WDR81: variants seen among roughly 807,000 people sequenced by gnomAD.
WDR81 encodes WD repeat domain 81, also known as WD repeat-containing protein 81.
In WDR81, 92 loss-of-function variants were observed where a neutral mutation model predicts 140.8. The ratio of observed to expected loss-of-function variants is 0.65; its 90% CI spans 0.55 to 0.78. The LOEUF is 0.78. Ranked by LOEUF, WDR81 falls within the 30% of genes least tolerant of loss-of-function variation. The probability of loss-of-function intolerance (pLI) is 0.00; values close to 1 mark genes in which losing one functional copy is unlikely to be tolerated. For missense variants in WDR81, 2,502 were observed against 2,636.4 expected (o/e 0.95, Z 1.12); for synonymous variants, 1,183 against 1,156.4 (o/e 1.02, Z -0.47).
In WDR81 at chr17:1,732,685, C is replaced by T. The variant is rs781371553; in HGVS notation, c.4343C>T (p.Ala1448Val). ...TCATAGGATCTGAAGCTGGACCCTG[C>T]GGGCCGTGGTGAGGGCCAGCTGCCA... ...LRQQDLKLDP[A>V]GRGEGQLPQV... Residue 1448 changes from alanine to valine, a missense_variant, in exon 6 of 10, where the codon GCG becomes GTG. This residue lies in a region of WDR81 where 1,737 missense variants were observed against 1,843.0 expected (regional missense o/e 0.94). Coordinates refer to ENST00000409644, the MANE Select transcript of WDR81 (RefSeq NM_001163809.2). 9 of 1,607,638 alleles carry T rather than the reference C, an allele frequency of 5.6e-6. No homozygotes were observed. Among genetic ancestry groups the T allele is most frequent in the South Asian group, 4.4e-5 (4 of 90,382 alleles).
At chr17:1,731,846 G>T (rs936920810) in intron 4 of WDR81, among the ~76,000 whole-genome samples, 2 of 151,862 alleles carry the variant, frequency 1.3e-5, no homozygotes, top group Admixed American at 1.3e-4. Context: ...AGAATTGCTT[G>T]AACCCAGGAA....
Position 1,732,777 on chromosome 17 carries a change from G to A in WDR81, c.4435G>A (p.Val1479Met). The A allele has an allele frequency of 3.1e-6, 5 of 1,613,176 alleles. No homozygotes were observed. The highest frequency in any genetic ancestry group is 4.2e-6 in the Non-Finnish European group (5 of 1,179,976). ...CGCCCTGCTGGACGAGCTGCAGAAG[G>A]TGTTCACCCTGGAGATGGCATACAC... ...DPALLDELQKVFTLEMAYTIY... is the reference protein window; with the variant it reads ...DPALLDELQKMFTLEMAYTIY... The change falls in exon 6 of 10, where the codon GTG (valine) becomes ATG (methionine). Residue 1479 changes from valine to methionine, a missense_variant. Val to Met is a conservative substitution (Grantham distance 21). Around this residue, in one of 3 missense-constraint regions of WDR81, gnomAD observed 1,737 missense variants for 1,843.0 expected, o/e 0.94. Coordinates refer to ENST00000409644, the MANE Select transcript of WDR81 (RefSeq NM_001163809.2).
intron 1 of WDR81, 48 bp from the exon 2 acceptor site, chr17:1,730,332 A>AT: frequency 1.3e-6 from 2 of 1,485,176 alleles, no homozygotes; most frequent in Non-Finnish European, 1.8e-6. Context: ...GGGAGGGGTG[A>AT]TGAGCCCCTG....
chr17:1,727,110 G>A lies in WDR81; in HGVS notation c.2151G>A (p.Gly717=). The A allele has an allele frequency of 6.5e-7, 1 of 1,547,390 alleles. No homozygotes were observed. Among genetic ancestry groups the A allele is most frequent in the Non-Finnish European group, 8.7e-7 (1 of 1,144,812 alleles). ...CAGACCCTGGGGAGGGTGAGGAGGGGAGGATTCTTCTTCCCGAGGGCTTCA... is the reference window on the plus strand; with the variant it reads ...CAGACCCTGGGGAGGGTGAGGAGGGAAGGATTCTTCTTCCCGAGGGCTTCA... ...AGADPGEGEE[G]RILLPEGFNP... The change falls in exon 1 of 10, where the codon GGG becomes GGA. Residue 717 remains glycine (G), a synonymous_variant. Coordinates refer to ENST00000409644, the MANE Select transcript of WDR81 (RefSeq NM_001163809.2).
In WDR81 at chr17:1,725,309, ACCCTCTGGGCGGGGGCCTG is replaced by A; in HGVS notation, c.355_373del (p.Gly120ArgfsTer128). ...GGGCTGCGGAAGCGGAGACTGTCCT[ACCCTCTGGGCGGGGGCCTG>A]CCCTTTGAGGACGGGTCCTGCGGCC... On this transcript the variant is annotated frameshift_variant, in exon 1 of 10. Transcript: ENST00000409644. LOFTEE classifies it high-confidence loss of function. 6.5e-7 allele frequency: 1 copy of A among 1,548,316 alleles called. No individual in the cohort carries two copies. The highest frequency in any genetic ancestry group is 8.7e-7 in the Non-Finnish European group (1 of 1,146,954).
intron 1 of WDR81, among the ~76,000 whole-genome samples, chr17:1,729,846 C>A (rs886814360): frequency 3.0e-4 from 45 of 151,906 alleles, no homozygotes; most frequent in African/African-American, 1.0e-3. Context: ...CCTGTAATCT[C>A]AGCTATTTGG....
chr17:1,728,845 C>T (rs979949483), intron 1 of WDR81, among the ~76,000 whole-genome samples: 9 of 152,032 alleles, frequency 5.9e-5, no homozygotes, highest in Non-Finnish European at 1.3e-4. Context: ...CCCAGCTACT[C>T]GGAAGGCTGA....
At chr17:1,734,931 G>A (rs1904727517) in intron 7 of WDR81, among the ~76,000 whole-genome samples, 1 of 152,198 alleles carries the variant, frequency 6.6e-6, no homozygotes, top group Non-Finnish European at 1.5e-5. Flanking sequence ...ACAGAGGGAG[G>A]TGGCATTGGG....
rs1293736314 is a variant in WDR81, at chr17:1,725,402, G to A, written c.443G>A (p.Arg148His). 3 of 1,549,492 alleles carry A rather than the reference G, an allele frequency of 1.9e-6. No homozygotes were observed. Among genetic ancestry groups the A allele is most frequent in the Non-Finnish European group, 2.6e-6 (3 of 1,147,004 alleles). Residue 148 changes from arginine (R) to histidine (H), a missense_variant, in exon 1 of 10, where the codon CGC (arginine) becomes CAC (histidine). Around this residue, in one of 3 missense-constraint regions of WDR81, gnomAD observed 547 missense variants for 513.8 expected, o/e 1.06. Coordinates refer to ENST00000409644, the MANE Select transcript of WDR81 (RefSeq NM_001163809.2). ...CAGGAGGTTGCCGCCCAGAATTATC[G>A]CAACCTGTGGCGCCATGCATACCAC... is the stretch of plus-strand genomic sequence containing the variant. ...FMQEVAAQNY[R>H]NLWRHAYHTY...
At chr17:1,736,451 G>T (rs1208144004) in intron 9 of WDR81, among the ~76,000 whole-genome samples, 1 of 152,202 alleles carries the variant, frequency 6.6e-6, no homozygotes, top group Non-Finnish European at 1.5e-5. Context: ...CGGGGCAGTG[G>T]GGCGGGAGCT....
At position 1,728,218 on chromosome 17, in the gene WDR81, G is replaced by T. The variant is rs1383206675; in HGVS notation, c.3259G>T (p.Ala1087Ser). 6.2e-7 allele frequency: 1 copy of T among 1,605,850 alleles called. No homozygotes were observed. Among genetic ancestry groups the T allele is most frequent in the Non-Finnish European group, 8.5e-7 (1 of 1,174,676 alleles). ...CCTCCCTGAGACAGAGGACTTCCAA[G>T]CCGGGCTCTATGTGACTGAGTCTCC... is the stretch of plus-strand genomic sequence containing the variant. ...ADLPETEDFQ[A>S]GLYVTESPQP... Residue 1087 changes from alanine to serine, a missense_variant, in exon 1 of 10, where the codon GCC becomes TCC. Coordinates refer to ENST00000409644, the MANE Select transcript of WDR81 (RefSeq NM_001163809.2).
chr17:1,727,385 G>T lies in WDR81; in HGVS notation c.2426G>T (p.Arg809Leu). The change falls in exon 1 of 10, where the codon CGC becomes CTC. Residue 809 changes from arginine (R) to leucine (L), a missense_variant. By Grantham distance (102) the Arg-to-Leu change is moderately radical. Around this residue, in one of 3 missense-constraint regions of WDR81, gnomAD observed 1,737 missense variants for 1,843.0 expected, o/e 0.94. Transcript: ENST00000409644. ...RFQAVRGLCT[R>L]HPKEVPVSLQ... ...CAGGCTGTCCGAGGGCTCTGCACGC[G>T]CCACCCCAAGGAGGTCCCTGTGTCT... The T allele has an allele frequency of 5.8e-6, 9 of 1,550,152 alleles. No individual in the cohort carries two copies. The highest frequency in any genetic ancestry group is 7.8e-6 in the Non-Finnish European group (9 of 1,146,968).
chr17:1,723,934 G>C (rs1567716303), upstream of WDR81, among the ~76,000 whole-genome samples: 1 of 152,342 alleles, frequency 6.6e-6, no homozygotes, highest in East Asian at 1.9e-4. Flanking sequence ...AATATAAACA[G>C]TAATAACTGT....
chr17:1,737,370 G>A lies in WDR81; in HGVS notation c.5511G>A (p.Val1837=). ...GCTCTCCTCTCCCGGGACAGGCGGT[G>A]GAGGGCAGCGTCCTGGTCAGCTCCT... ...HEGDILQIKA[V]EGSVLVSSSS... is the part of the protein sequence containing the mutation. The change falls in exon 10 of 10, where the codon GTG becomes GTA. Residue 1837 remains valine, a synonymous_variant. Transcript: ENST00000409644. 1.2e-6 allele frequency: 2 copies of A among 1,604,830 alleles called. No homozygotes were observed. The highest frequency in any genetic ancestry group is 1.7e-6 in the Non-Finnish European group (2 of 1,174,964).
chr17:1,727,192 C>T lies in WDR81; in HGVS notation c.2233C>T (p.Leu745=), dbSNP rs777435351. The change falls in exon 1 of 10, where the codon CTA becomes TTA. Residue 745 remains leucine, a synonymous_variant. Transcript: ENST00000409644. ...EKTGNFLAKG[L]GGLLEVPEQP... The stretch of plus-strand genomic sequence containing the variant: ...AACGGGCAACTTCTTGGCCAAAGGC[C>T]TAGGGGGCCTGTTGGAGGTGCCTGA... 1 of 1,549,806 alleles carries T rather than the reference C, an allele frequency of 6.5e-7. No individual in the cohort carries two copies. The highest frequency in any genetic ancestry group is 1.4e-5 in the African/African-American group (1 of 73,180).
chr17:1,734,320 G>C, intron 7 of WDR81, 104 bp downstream of exon 7: 1 of 1,348,026 alleles, frequency 7.4e-7, no homozygotes, highest in South Asian at 1.5e-5. Context: ...GGAGTTTGGG[G>C]AGACCCAGCG....
upstream of WDR81, among the ~76,000 whole-genome samples, chr17:1,722,989 G>A (rs529028580): frequency 3.5e-4 from 53 of 152,246 alleles, 1 homozygote; most frequent in African/African-American, 1.2e-3. Flanking sequence ...CACCGTGACC[G>A]GCCAAGGCCT....
At chr17:1,737,127 C>T (rs1398766244) in intron 9 of WDR81, among the ~76,000 whole-genome samples, 1 of 152,196 alleles carries the variant, frequency 6.6e-6, no homozygotes, top group Admixed American at 6.5e-5. Context: ...CACGTGCACG[C>T]CTGGCACCAT....
chr17:1,736,739 CGG>C (rs1453539897), intron 9 of WDR81, among the ~76,000 whole-genome samples: 1 of 152,112 alleles, frequency 6.6e-6, no homozygotes, highest in Non-Finnish European at 1.5e-5. Context: ...TCACAGGCCT[CGG>C]GGAGCTGCTC....
Sources: gnomAD v4.1 joint callset for allele counts (sites outside exome capture counted in the v4.1 genomes callset) on GRCh38, gnomAD v4.1.1 for gene constraint, gnomAD v4.1.1 regional missense constraint, MANE v1.5 for transcripts, NCBI Gene and HGNC (gene_info 2026-07-23, HGNC 2026-07-21) for gene names.